GRHPR: variants seen among roughly 807,000 people sequenced by gnomAD.
GRHPR encodes glyoxylate reductase/hydroxypyruvate reductase.
In GRHPR, 35 loss-of-function variants were observed where a neutral mutation model predicts 36.8. The observed-to-expected ratio is 0.95, with a 90% CI of 0.73 to 1.26. The LOEUF is 1.26. GRHPR is among the 50% of genes most tolerant of loss of function. The probability of loss-of-function intolerance (pLI) is 0.00; values close to 1 mark genes in which losing one functional copy is unlikely to be tolerated. For synonymous variants in GRHPR, 179 were observed against 181.0 expected (o/e 0.99, Z 0.09); for missense variants, 380 against 435.0 (o/e 0.87, Z 1.12).
chr9:37,432,131 G>A lies in GRHPR; in HGVS notation c.858G>A (p.Lys286=). ...CAAACCACCCTCTCCTGACCCTGAA[G>A]AACTGTGGTAAGAACTGCACTTTCT... ...LPTNHPLLTL[K]NCVILPHIGS... The change falls in exon 8 of 9, where the codon AAG becomes AAA. Residue 286 remains lysine (K), a synonymous_variant. Coordinates refer to ENST00000318158, the MANE Select transcript of GRHPR (RefSeq NM_012203.2). The A allele has an allele frequency of 6.2e-7, 1 of 1,613,998 alleles. No individual in the cohort carries two copies. The highest frequency in any genetic ancestry group is 8.5e-7 in the Non-Finnish European group (1 of 1,179,894).
At chr9:37,428,875 G>A (rs1038425975) in intron 5 of GRHPR, 2 of 488,182 alleles carry the variant, frequency 4.1e-6, no homozygotes, top group African/African-American at 3.9e-5. Flanking sequence ...GCCGTTAGGA[G>A]TGGTTACCGT....
At position 37,422,765 on chromosome 9, in the gene GRHPR, A is replaced by G; in HGVS notation, c.15A>G (p.Arg5=). The G allele has an allele frequency of 1.3e-6, 2 of 1,592,732 alleles. No homozygotes were observed. The highest frequency in any genetic ancestry group is 1.7e-6 in the Non-Finnish European group (2 of 1,171,290). Residue 5 remains arginine, a synonymous_variant, in exon 1 of 9, where the codon CGA becomes CGG. Transcript: ENST00000318158. The part of the protein sequence containing the change: MRPV[R]LMKVFVTRRI... ...CTGCACTGCGGATGAGACCGGTGCG[A>G]CTCATGAAGGTGTTCGTCACCCGCA...
chr9:37,429,207 A>G, intron 5 of GRHPR: 2 of 253,688 alleles, frequency 7.9e-6, no homozygotes, highest in Non-Finnish European at 1.6e-5. Context: ...GAGGAACCCA[A>G]CAGCTTTGGG....
At chr9:37,423,987 C>T (rs1351999799) in intron 1 of GRHPR, among the ~76,000 whole-genome samples, 1 of 152,208 alleles carries the variant, frequency 6.6e-6, no homozygotes, top group Non-Finnish European at 1.5e-5. Context: ...TGTCTGACTG[C>T]TGTCTGATCA....
At chr9:37,432,962 G>T (rs1823442239) in intron 8 of GRHPR, among the ~76,000 whole-genome samples, 1 of 152,238 alleles carries the variant, frequency 6.6e-6, no homozygotes, top group Non-Finnish European at 1.5e-5. Context: ...GGGTGTGGAA[G>T]GGCCTGCTCC....
In GRHPR at chr9:37,425,055, C is replaced by T. The variant is rs1001825442; in HGVS notation, c.214+80C>T. ...AGCCTGTGCTGCTGGCTCCTGGCTG[C>T]TCTGCAGTGCTGTCTGGGTTCTGAG... On this transcript the variant is annotated intron_variant, in intron 2 of 8. Coordinates refer to ENST00000318158, the MANE Select transcript of GRHPR (RefSeq NM_012203.2). The T allele has an allele frequency of 5.0e-6, 7 of 1,402,620 alleles. No homozygotes were observed. The African/African-American group carries it at 7.0e-5, about 14-fold the overall frequency. 86.9% of individuals were successfully genotyped at this position (1,402,620 alleles called of 1,614,324 possible).
At chr9:37,430,228 G>A (rs1175842933) in intron 6 of GRHPR, 1 of 563,400 alleles carries the variant, frequency 1.8e-6, no homozygotes, top group Non-Finnish European at 3.2e-6. Context: ...CCAGCACCTG[G>A]CGGGTCCACA....
chr9:37,422,624 CCA>C (rs1822879335), upstream of GRHPR: 1 of 767,588 alleles, frequency 1.3e-6, no homozygotes, highest in Admixed American at 2.0e-5. Context: ...TCTCGCGAAG[CCA>C]CACCCCCTGC....
intron 7 of GRHPR, chr9:37,430,880 G>A (rs543483585): frequency 2.2e-4 from 137 of 630,922 alleles, no homozygotes; most frequent in South Asian, 3.5e-4. Flanking sequence ...GCCCCCACCC[G>A]GCGGGGCCTG....
chr9:37,435,597 G>C (rs901460320), intron 8 of GRHPR, among the ~76,000 whole-genome samples: 1 of 152,082 alleles, frequency 6.6e-6, no homozygotes, highest in Admixed American at 6.5e-5. Flanking sequence ...TGTGAATTAA[G>C]TACTGAATTA....
intron 3 of GRHPR, 199 bp from the exon 4 acceptor site, chr9:37,426,339 C>CCATCTT: frequency 1.5e-6 from 1 of 647,122 alleles, no homozygotes; most frequent in South Asian, 1.8e-5. Context: ...CCCTGATCTT[C>CCATCTT]CATCTTCATA....
At chr9:37,432,813 C>G (rs1443537156) in intron 8 of GRHPR, 2 of 154,004 alleles carry the variant, frequency 1.3e-5, no homozygotes, top group Non-Finnish European at 2.9e-5. Context: ...ATGACAATGC[C>G]AATATAACTC....
intron 7 of GRHPR, chr9:37,431,585 G>A (rs1823369718): frequency 3.8e-6 from 1 of 264,686 alleles, no homozygotes. Flanking sequence ...GCACACTGTG[G>A]TGCTTCTCAG....
intron 8 of GRHPR, among the ~76,000 whole-genome samples, chr9:37,433,358 C>A (rs886656516): frequency 6.6e-6 from 1 of 151,824 alleles, no homozygotes. Flanking sequence ...CTCAGCTTCC[C>A]GAGTAGCTGG....
chr9:37,431,445 A>C (rs953332432), intron 7 of GRHPR: 4 of 248,830 alleles, frequency 1.6e-5, no homozygotes, highest in Non-Finnish European at 3.2e-5. Flanking sequence ...TCATTAGTGC[A>C]CAAGTATTAC....
In GRHPR at chr9:37,424,841, G is replaced by T. The variant is rs778578725; in HGVS notation, c.84-4G>T. The T allele has an allele frequency of 1.9e-6, 3 of 1,612,798 alleles. No homozygotes were observed. Among genetic ancestry groups the T allele is most frequent in the Admixed American group, 1.7e-5 (1 of 59,968 alleles). ...TTCTCCTGAGGGCCTCCCTTTCCCC[G>T]CAGCTGTGAGGTGGAGCAGTGGGAC... On this transcript the variant is annotated splice_polypyrimidine_tract_variant and splice_region_variant and intron_variant, in intron 1 of 8. Coordinates refer to ENST00000318158, the MANE Select transcript of GRHPR (RefSeq NM_012203.2).
intron 6 of GRHPR, 156 bp downstream of exon 6, chr9:37,429,992 C>T: frequency 2.9e-6 from 2 of 684,794 alleles, no homozygotes; most frequent in South Asian, 3.0e-5. Flanking sequence ...CCCCTGGACA[C>T]TGGCCCACTC....
At chr9:37,438,724 A>AG (rs1188959845), downstream of GRHPR, 1 of 152,268 alleles carries the variant, frequency 6.6e-6, no homozygotes, top group Non-Finnish European at 1.5e-5. Context: ...CATCATGTAA[A>AG]GGGTGGATGG....
At chr9:37,433,197 C>T (rs1003794644) in intron 8 of GRHPR, among the ~76,000 whole-genome samples, 1 of 152,048 alleles carries the variant, frequency 6.6e-6, no homozygotes, top group Admixed American at 6.6e-5. Context: ...CAGTTGCTAC[C>T]TCTGTGCTAC....
Sources: gnomAD v4.1 joint callset for allele counts (sites outside exome capture counted in the v4.1 genomes callset) on GRCh38, gnomAD v4.1.1 for gene constraint, MANE v1.5 for transcripts, NCBI Gene and HGNC (gene_info 2026-07-23, HGNC 2026-07-21) for gene names.